The following PPP4R2 variants were observed in gnomAD, a reference collection of about 807,000 sequenced individuals.
PPP4R2 encodes serine/threonine-protein phosphatase 4 regulatory subunit 2.
In PPP4R2, 13 loss-of-function variants were observed where a neutral mutation model predicts 47.2. That is an observed-to-expected ratio of 0.28 (90% CI 0.18 to 0.44). The LOEUF (loss-of-function observed/expected upper bound fraction) is 0.44, where lower values mean the gene tolerates loss of function less well. Among genes scored for constraint, PPP4R2 ranks in the 20% least tolerant of loss-of-function variants. PPP4R2 has a pLI of 1.00. For synonymous variants in PPP4R2, 151 were observed against 163.3 expected, an observed-to-expected ratio of 0.92 and a Z score of 0.57; for missense variants, 421 against 491.2, an observed-to-expected ratio of 0.86 and a Z score of 1.35.
chr3:73,027,133 G>T (rs9830079), intron 2 of PPP4R2, among the ~76,000 whole-genome samples: 3 of 151,868 alleles, frequency 2.0e-5, no homozygotes, highest in Non-Finnish European at 1.5e-5. Flanking sequence ...CTATTCCCCT[G>T]TTTTTTTGTT....
At chr3:73,011,800 T>C (rs928281497) in intron 2 of PPP4R2, among the ~76,000 whole-genome samples, 1 of 152,220 alleles carries the variant, frequency 6.6e-6, no homozygotes, top group Non-Finnish European at 1.5e-5. Context: ...GACTCTAAGC[T>C]TTCTATTTAA....
chr3:73,003,515 A>C (rs1051637016), intron 2 of PPP4R2, among the ~76,000 whole-genome samples: 10 of 151,942 alleles, frequency 6.6e-5, no homozygotes, highest in Admixed American at 3.9e-4. Context: ...GCCCCGGCTG[A>C]CTTTCCCTTT....
intron 2 of PPP4R2, among the ~76,000 whole-genome samples, chr3:73,024,866 A>G (rs1238816665): frequency 6.6e-6 from 1 of 152,222 alleles, no homozygotes; most frequent in African/African-American, 2.4e-5. Context: ...AGGGAAAGAA[A>G]TATTTATTAG....
At chr3:73,023,672 A>C (rs1450573673) in intron 2 of PPP4R2, among the ~76,000 whole-genome samples, 1 of 152,232 alleles carries the variant, frequency 6.6e-6, no homozygotes, top group Admixed American at 6.5e-5. Context: ...CAGTCCCTCC[A>C]TTTCTATCCG....
Position 73,044,844 on chromosome 3 carries a change from A to G in PPP4R2, c.117-2342A>G, listed in dbSNP as rs549200564. Among the ~76,000 whole-genome samples the G allele has an allele frequency of 3.3e-5, 5 of 152,254 alleles. No homozygotes were observed. The East Asian group carries it at 9.6e-4, about 29-fold the overall frequency. ...TGTAGGTGTTCTTTATATAATCTGG[A>G]TATTAACCCCTTATCAGATAAAAGA... On this transcript the variant is annotated intron_variant, in intron 2 of 8. Coordinates refer to ENST00000356692, the MANE Select transcript of PPP4R2 (RefSeq NM_174907.4).
At chr3:73,030,950 C>T (rs1291494523) in intron 2 of PPP4R2, among the ~76,000 whole-genome samples, 1 of 152,000 alleles carries the variant, frequency 6.6e-6, no homozygotes, top group Non-Finnish European at 1.5e-5. Flanking sequence ...GATCTGCCCG[C>T]CTCGGCCTCC....
intron 2 of PPP4R2, among the ~76,000 whole-genome samples, chr3:73,012,023 T>G (rs9868559): frequency 0.39 from 58,513 of 151,960 alleles, 11,683 homozygotes; most frequent in African/African-American, 0.44. Flanking sequence ...TGAGGTAGCT[T>G]TCTATCAACT....
Position 73,065,618 on chromosome 3 carries a change from G to T in PPP4R2, c.1150G>T (p.Val384Leu), listed in dbSNP as rs200829857. Residue 384 changes from valine (V) to leucine (L), a missense_variant, in exon 9 of 9, where the codon GTA becomes TTA. Physicochemically the swap from Val to Leu is conservative, Grantham distance 32. This residue lies in a region of PPP4R2 where 317 missense variants were observed against 287.5 expected (regional missense o/e 1.10). Coordinates refer to ENST00000356692, the MANE Select transcript of PPP4R2 (RefSeq NM_174907.4). ...TGACTGCCGTGAAACAGAAGAATTA[G>T]TAGGATCCAATTCCAGTAAAACTGG... ...SSDCRETEELVGSNSSKTGEI... is the reference protein window; with the variant it reads ...SSDCRETEELLGSNSSKTGEI... 6.2e-7 allele frequency: 1 copy of T among 1,613,340 alleles called. No individual in the cohort carries two copies. The highest frequency in any genetic ancestry group is 8.5e-7 in the Non-Finnish European group (1 of 1,179,460).
rs1380248402 is a variant in PPP4R2, at chr3:73,065,003, A to G, written c.790A>G (p.Thr264Ala). ...GEVRETASQT[T>A]SSEISSVMVG... ...AGTCAGAGAAACAGCCAGTCAAACGACTTCCAGCGAAATTTCTTCAGTTAT... is the reference window on the plus strand; with the variant it reads ...AGTCAGAGAAACAGCCAGTCAAACGGCTTCCAGCGAAATTTCTTCAGTTAT... The change falls in exon 8 of 9, where the codon ACT (threonine) becomes GCT (alanine). Residue 264 changes from threonine (T) to alanine (A), a missense_variant. Transcript: ENST00000356692. 1.9e-6 allele frequency: 3 copies of G among 1,613,918 alleles called. No individual in the cohort carries two copies. The highest frequency in any genetic ancestry group is 1.7e-6 in the Non-Finnish European group (2 of 1,179,832).
intron 2 of PPP4R2, among the ~76,000 whole-genome samples, chr3:73,046,937 G>C (rs1702498556): frequency 6.6e-6 from 1 of 152,138 alleles, no homozygotes; most frequent in Non-Finnish European, 1.5e-5. Flanking sequence ...TTCAGGCAGA[G>C]GTAGTTCATT....
intron 5 of PPP4R2, chr3:73,062,365 C>T: frequency 6.2e-7 from 1 of 1,606,490 alleles, no homozygotes; most frequent in Non-Finnish European, 8.5e-7. Flanking sequence ...GAACCCCAAC[C>T]CAGCATTGGG....
rs955184229 is a variant in PPP4R2, at chr3:72,996,965, G to T, written c.-73G>T. On this transcript the variant is annotated 5_prime_UTR_variant, in exon 1 of 9. Transcript: ENST00000356692. ...CGAGGGAGGGGGAGGGCGTCGGGGG[G>T]GTGGGGGGAGGCGTTCCGGTCCCCA... 3 of 1,183,274 alleles carry T rather than the reference G, an allele frequency of 2.5e-6. No homozygotes were observed. The highest frequency in any genetic ancestry group is 3.3e-6 in the Non-Finnish European group (3 of 905,664). 73.3% of individuals were successfully genotyped at this position (1,183,274 alleles called of 1,614,324 possible).
At position 73,066,346 on chromosome 3, in the gene PPP4R2, T is replaced by A. The variant is rs1489011202; in HGVS notation, c.*624T>A. 6.6e-6 allele frequency: 1 copy of A among 151,244 alleles called. No individual in the cohort carries two copies. Among genetic ancestry groups the A allele is most frequent in the Admixed American group, 6.6e-5 (1 of 15,168 alleles). The allele number at this position is 151,244 out of a possible 1,614,324, so 9.4% of individuals were successfully genotyped here. On this transcript the variant is annotated 3_prime_UTR_variant, in exon 9 of 9. Coordinates refer to ENST00000356692, the MANE Select transcript of PPP4R2 (RefSeq NM_174907.4). ...ACTTTTTCTATTGGTAATGATTGAG[T>A]TCACCTCTTTCAGAAGACATTTTCT...
intron 5 of PPP4R2, chr3:73,062,756 T>C (rs1702894797): frequency 1.2e-6 from 2 of 1,613,772 alleles, no homozygotes; most frequent in Admixed American, 3.3e-5. Context: ...TTTCACATGG[T>C]GAGAGTGCTG....
chr3:73,021,236 T>A (rs1303738765), intron 2 of PPP4R2, among the ~76,000 whole-genome samples: 1 of 114,384 alleles, frequency 8.7e-6, no homozygotes, highest in Non-Finnish European at 1.8e-5. Flanking sequence ...AAAAAAAATT[T>A]TTTTTTTTTT....
intron 2 of PPP4R2, among the ~76,000 whole-genome samples, chr3:73,018,964 G>C (rs1701905258): frequency 6.6e-6 from 1 of 152,106 alleles, no homozygotes; most frequent in African/African-American, 2.4e-5. Context: ...TGAGGGGGCT[G>C]AACTTATGTT....
At chr3:73,016,613 C>G (rs1701837270) in intron 2 of PPP4R2, among the ~76,000 whole-genome samples, 2 of 151,948 alleles carry the variant, frequency 1.3e-5, no homozygotes, top group Admixed American at 1.3e-4. Context: ...TTTTACCTAT[C>G]AGAATTCTAT....
At chr3:73,037,235 T>A (rs1348199557) in intron 2 of PPP4R2, among the ~76,000 whole-genome samples, 1 of 152,212 alleles carries the variant, frequency 6.6e-6, no homozygotes, top group Non-Finnish European at 1.5e-5. Flanking sequence ...GAGATTTTAA[T>A]GCTAATGAGT....
At chr3:73,012,438 T>C (rs1701744578) in intron 2 of PPP4R2, among the ~76,000 whole-genome samples, 1 of 152,164 alleles carries the variant, frequency 6.6e-6, no homozygotes, top group Admixed American at 6.6e-5. Flanking sequence ...TAGCTGGGAC[T>C]ACGAGCGCCT....
Sources: gnomAD v4.1 joint callset for allele counts (sites outside exome capture counted in the v4.1 genomes callset) on GRCh38, gnomAD v4.1.1 for gene constraint, gnomAD v4.1.1 regional missense constraint, MANE v1.5 for transcripts, NCBI Gene and HGNC (gene_info 2026-07-23, HGNC 2026-07-21) for gene names.